The following RRM2 variants were observed in gnomAD, a reference collection of about 807,000 sequenced individuals.
RRM2 encodes ribonucleotide reductase regulatory subunit M2, also known as ribonucleoside-diphosphate reductase subunit M2.
Under a neutral mutation model 45.9 loss-of-function variants are expected in RRM2, and 6 were observed. The ratio of observed to expected loss-of-function variants is 0.13; its 90% CI spans 0.07 to 0.26. The LOEUF (loss-of-function observed/expected upper bound fraction) is 0.26. Ranked by LOEUF, RRM2 falls within the 10% of genes least tolerant of loss-of-function variation. The pLI, the probability that RRM2 is intolerant of heterozygous loss-of-function variation, is 1.00. For synonymous variants in RRM2, 177 were observed against 173.0 expected, an observed-to-expected ratio of 1.02 and a Z score of -0.18; for missense variants, 343 against 489.5, an observed-to-expected ratio of 0.70 and a Z score of 2.82.
At chr2:10,198,005 C>T (rs1342071376) in intron 3 of RRM2, among the ~76,000 whole-genome samples, 5 of 152,178 alleles carry the variant, frequency 3.3e-5, no homozygotes, top group Non-Finnish European at 7.4e-5. Context: ...CGCTCCTAAG[C>T]ACGTCCGCTC....
At chr2:10,191,160 T>C (rs1346593075) in intron 3 of RRM2, among the ~76,000 whole-genome samples, 1 of 152,176 alleles carries the variant, frequency 6.6e-6, no homozygotes, top group Non-Finnish European at 1.5e-5. Context: ...TGTGGCTTGT[T>C]TTCCATCTGC....
chr2:10,162,054 C>T (rs565670884), intron 3 of RRM2, among the ~76,000 whole-genome samples: 1 of 152,342 alleles, frequency 6.6e-6, no homozygotes, highest in African/African-American at 2.4e-5. Flanking sequence ...TCTTCAGGCC[C>T]TTCTGGCACC....
At chr2:10,177,701 T>TCCCTC (rs1491150292) in intron 3 of RRM2, among the ~76,000 whole-genome samples, 8 of 122,440 alleles carry the variant, frequency 6.5e-5, no homozygotes, top group African/African-American at 2.4e-4. Context: ...CTTCCTTCCT[T>TCCCTC]CCTTCCTCTC....
intron 3 of RRM2, among the ~76,000 whole-genome samples, chr2:10,148,114 A>G (rs959138858): frequency 1.4e-5 from 2 of 146,322 alleles, no homozygotes; most frequent in Non-Finnish European, 3.0e-5. Flanking sequence ...ACTGCACTCC[A>G]GCCTGGGCAA....
intron 3 of RRM2, among the ~76,000 whole-genome samples, chr2:10,162,689 C>G (rs749961859): frequency 1.6e-4 from 24 of 151,984 alleles, no homozygotes; most frequent in Non-Finnish European, 2.8e-4. Flanking sequence ...CGCCGCCCCC[C>G]ACCCCCCTGC....
At position 10,129,739 on chromosome 2, in the gene RRM2, A is replaced by T. The variant is rs79765591; in HGVS notation, c.*353A>T. On this transcript the variant is annotated 3_prime_UTR_variant, in exon 10 of 10. Transcript: ENST00000304567. The surrounding 1 kb of genome is among the most constrained non-coding windows in gnomAD (Gnocchi z 4.8). ...GCCTCACTGCTTCAACGCAGATTTT[A>T]ATGTTTACTTAAATATAAACCTGGC... 1.8e-4 allele frequency: 36 copies of T among 201,322 alleles called. No individual in the cohort carries two copies. The East Asian group carries it at 3.9e-3, about 22-fold the overall frequency. The allele number at this position is 201,322 out of a possible 1,614,324, so 12.5% of individuals were successfully genotyped here.
At chr2:10,145,542 G>GATT (rs1391926420) in intron 3 of RRM2, 1 of 152,322 alleles carries the variant, frequency 6.6e-6, no homozygotes, top group Admixed American at 6.5e-5. Flanking sequence ...AACAACACTG[G>GATT]ATTGGCAAGA....
Position 10,185,283 on chromosome 2 carries a change from G to C in RRM2, n.483-25028G>C, listed in dbSNP as rs1664140652. 1.3e-5 allele frequency among the ~76,000 whole-genome samples: 2 copies of C among 151,658 alleles called. No homozygotes were observed. On this transcript the variant is annotated intron_variant and non_coding_transcript_variant, in intron 3 of 3. Transcript: ENST00000381786. This position sits in a 1 kb window ranked among gnomAD's most constrained non-coding sequence, Gnocchi z 4.3. ...AGCGAGACAGAGCGTGAGAGTGAGAGAGAGAGAGAGAGGCAGGAGAGGCTG... is the reference window on the plus strand; with the variant it reads ...AGCGAGACAGAGCGTGAGAGTGAGACAGAGAGAGAGAGGCAGGAGAGGCTG...
At chr2:10,125,457 G>A (rs1427164078) in intron 5 of RRM2, among the ~76,000 whole-genome samples, 1 of 152,126 alleles carries the variant, frequency 6.6e-6, no homozygotes, top group African/African-American at 2.4e-5. Context: ...TGTAATCCCA[G>A]CACTTTGGGA....
At chr2:10,173,558 C>T (rs867418113) in intron 3 of RRM2, among the ~76,000 whole-genome samples, 2 of 152,342 alleles carry the variant, frequency 1.3e-5, no homozygotes, top group African/African-American at 4.8e-5. Context: ...GGGAGTAGCT[C>T]TTCCCACCAC....
intron 3 of RRM2, among the ~76,000 whole-genome samples, chr2:10,202,906 G>A (rs545404975): frequency 4.3e-4 from 66 of 151,928 alleles, no homozygotes; most frequent in African/African-American, 1.3e-3. Flanking sequence ...CCGTTGGCCC[G>A]TTTTCTAAAG....
At chr2:10,174,137 G>A (rs968239367) in intron 3 of RRM2, among the ~76,000 whole-genome samples, 2 of 152,210 alleles carry the variant, frequency 1.3e-5, no homozygotes, top group African/African-American at 4.8e-5. Context: ...TGCCACGTGA[G>A]GACATGGGGA....
Position 10,169,331 on chromosome 2 carries a change from AC to A in RRM2, n.482+26957del, listed in dbSNP as rs1286001181. On this transcript the variant is annotated intron_variant and non_coding_transcript_variant, in intron 3 of 3. Coordinates refer to the RRM2 transcript ENST00000381786. The surrounding 1 kb of genome is among the most constrained non-coding windows in gnomAD (Gnocchi z 5.1). The stretch of plus-strand genomic sequence containing the variant: ...GCACCCCCTTCAGGTGTAGTTTTAG[AC>A]GTGCAACATGAGGGGAAATCTTAGG... Among the ~76,000 whole-genome samples, 25 of 152,128 alleles carry A rather than the reference AC, an allele frequency of 1.6e-4. No individual in the cohort carries two copies. In the East Asian group the frequency reaches 1.7e-3, roughly 11 times the overall value.
chr2:10,207,501 C>A (rs368708368), intron 3 of RRM2, among the ~76,000 whole-genome samples: 22 of 152,268 alleles, frequency 1.4e-4, no homozygotes, highest in African/African-American at 5.1e-4. Flanking sequence ...TTAGAGAGGT[C>A]TTCATGATTC....
chr2:10,153,274 C>T (rs1049918181), intron 3 of RRM2, among the ~76,000 whole-genome samples: 1 of 152,138 alleles, frequency 6.6e-6, no homozygotes, highest in Non-Finnish European at 1.5e-5. Context: ...GCGGAGGTTG[C>T]AGTGAGCCAA....
chr2:10,204,076 C>T lies in RRM2; in HGVS notation n.483-6235C>T, dbSNP rs1231800829. On this transcript the variant is annotated intron_variant and non_coding_transcript_variant, in intron 3 of 3. Transcript: ENST00000381786. This position sits in a 1 kb window ranked among gnomAD's most constrained non-coding sequence, Gnocchi z 4.0. ...CATACTTTAGCCTTCTAGCACACTCCTCTCTTCCCCTAAAATTAGCCAAGA... is the reference window on the plus strand; with the variant it reads ...CATACTTTAGCCTTCTAGCACACTCTTCTCTTCCCCTAAAATTAGCCAAGA... 6.6e-6 allele frequency among the ~76,000 whole-genome samples: 1 copy of T among 152,042 alleles called. No individual in the cohort carries two copies. Among genetic ancestry groups the T allele is most frequent in the Non-Finnish European group, 1.5e-5 (1 of 68,016 alleles).
In RRM2 at chr2:10,171,247, C is replaced by G. The variant is rs1663801129; in HGVS notation, n.482+28872C>G. Among the ~76,000 whole-genome samples the G allele has an allele frequency of 1.3e-5, 2 of 152,356 alleles. No homozygotes were observed. Among genetic ancestry groups the G allele is most frequent in the African/African-American group, 4.8e-5 (2 of 41,584 alleles). ...CACTGGTGAACAGTCAGCTCTGCCCCCTGGGCTGTCAGGAGGATTAAATGA... is the reference window on the plus strand; with the variant it reads ...CACTGGTGAACAGTCAGCTCTGCCCGCTGGGCTGTCAGGAGGATTAAATGA... On this transcript the variant is annotated intron_variant and non_coding_transcript_variant, in intron 3 of 3. Coordinates refer to the RRM2 transcript ENST00000381786. This position sits in a 1 kb window ranked among gnomAD's most constrained non-coding sequence, Gnocchi z 4.1.
intron 3 of RRM2, chr2:10,155,251 G>A: frequency 9.2e-6 from 2 of 218,066 alleles, no homozygotes; most frequent in South Asian, 1.1e-4. Flanking sequence ...GGAGTCTTGT[G>A]AAAATGGTTA....
chr2:10,190,486 T>G (rs1484307271), intron 3 of RRM2, among the ~76,000 whole-genome samples: 1 of 144,852 alleles, frequency 6.9e-6, no homozygotes, highest in Non-Finnish European at 1.5e-5. Context: ...GTGGCGATGG[T>G]GGGGTTGGTG....
Sources: gnomAD v4.1 joint callset for allele counts (sites outside exome capture counted in the v4.1 genomes callset) on GRCh38, gnomAD v4.1.1 for gene constraint, Gnocchi (gnomAD v3.1) non-coding constraint, MANE v1.5 for transcripts, NCBI Gene and HGNC (gene_info 2026-07-23, HGNC 2026-07-21) for gene names.